EBF3: variants seen among roughly 807,000 people sequenced by gnomAD.
The protein encoded by EBF3 is transcription factor COE3.
In EBF3, 18 loss-of-function variants were observed where a neutral mutation model predicts 77.1. That is an observed-to-expected ratio of 0.23 (90% CI 0.16 to 0.35). The LOEUF (loss-of-function observed/expected upper bound fraction) is 0.35, where lower values mean the gene tolerates loss of function less well. Ranked by LOEUF, EBF3 falls within the 10% of genes least tolerant of loss-of-function variation. The pLI is 1.00. For synonymous variants in EBF3, 350 were observed against 343.5 expected (o/e 1.02, Z -0.21); for missense variants, 558 against 860.0 (o/e 0.65, Z 4.39).
intron 4 of EBF3, 106 bp from the exon 5 acceptor site, chr10:129,959,113 G>A: frequency 7.3e-7 from 1 of 1,377,314 alleles, no homozygotes; most frequent in Non-Finnish European, 1.0e-6. Flanking sequence ...CACCACGCTC[G>A]AGGGGAGGCG....
At position 129,861,391 on chromosome 10, in the gene EBF3, G is replaced by A. The variant is rs1851626481; in HGVS notation, c.1039+5750C>T. Among the ~76,000 whole-genome samples the A allele has an allele frequency of 6.6e-6, 1 of 152,216 alleles. No individual in the cohort carries two copies. Among genetic ancestry groups the A allele is most frequent in the South Asian group, 2.1e-4 (1 of 4,822 alleles). ...AAGGACAAAAACTAAAGTGGCGTCA[G>A]GAGAAGTTGTGTTGTTGGAGTCACG... On this transcript the variant is annotated intron_variant, in intron 10 of 16. Transcript: ENST00000440978. This position sits in a 1 kb window ranked among gnomAD's most constrained non-coding sequence, Gnocchi z 4.3.
intron 6 of EBF3, among the ~76,000 whole-genome samples, chr10:129,956,331 T>C (rs367754552): frequency 6.2e-4 from 94 of 152,366 alleles, no homozygotes; most frequent in Middle Eastern, 3.4e-3. Flanking sequence ...TTCGCAAAAC[T>C]GGTGTCATAT....
rs979756117 is a variant in EBF3 at position 129,835,391 on chromosome 10, C to A, written c.*2552G>T. Reference sequence around the variant, plus strand: ...AGATAAAACAATCTTATTGTAGGGTCTTTAACAGTAAAATCTACCATTTAG... The same window carrying A: ...AGATAAAACAATCTTATTGTAGGGTATTTAACAGTAAAATCTACCATTTAG... On this transcript the variant is annotated 3_prime_UTR_variant, in exon 17 of 17. Transcript: ENST00000440978. The A allele has an allele frequency of 6.6e-6, 1 of 152,286 alleles. No homozygotes were observed. Among genetic ancestry groups the A allele is most frequent in the South Asian group, 2.1e-4 (1 of 4,820 alleles). The allele number at this position is 152,286 out of a possible 1,614,324, so 9.4% of individuals were successfully genotyped here.
At chr10:129,907,433 C>T (rs968042514) in intron 6 of EBF3, among the ~76,000 whole-genome samples, 2 of 152,180 alleles carry the variant, frequency 1.3e-5, no homozygotes, top group African/African-American at 4.8e-5. Flanking sequence ...CAAATGGTCT[C>T]CTCTTAAACA....
At chr10:129,902,407 G>T (rs1250047660) in intron 6 of EBF3, among the ~76,000 whole-genome samples, 1 of 151,942 alleles carries the variant, frequency 6.6e-6, no homozygotes, top group Non-Finnish European at 1.5e-5. Flanking sequence ...TGGGTGCACG[G>T]GCGTCTTTCC....
chr10:129,912,274 A>G (rs1855578595), intron 6 of EBF3, among the ~76,000 whole-genome samples: 3 of 152,170 alleles, frequency 2.0e-5, no homozygotes, highest in African/African-American at 7.2e-5. Flanking sequence ...CCCCACTATC[A>G]ACAGTGTGGA....
intron 6 of EBF3, among the ~76,000 whole-genome samples, chr10:129,923,691 C>CT (rs1856461903): frequency 6.6e-6 from 1 of 152,130 alleles, no homozygotes; most frequent in Non-Finnish European, 1.5e-5. Context: ...CCATAAAACT[C>CT]TTAAAAGAAA....
Position 129,935,559 on chromosome 10 carries a change from G to T in EBF3, c.554+21699C>A, listed in dbSNP as rs1304131550. 6.6e-6 allele frequency among the ~76,000 whole-genome samples: 1 copy of T among 152,190 alleles called. No individual in the cohort carries two copies. Among genetic ancestry groups the T allele is most frequent in the African/African-American group, 2.4e-5 (1 of 41,448 alleles). On this transcript the variant is annotated intron_variant, in intron 6 of 16. Transcript: ENST00000440978. The surrounding 1 kb of genome is among the most constrained non-coding windows in gnomAD (Gnocchi z 4.2). ...CGGAGCACCAAGCACCCATATGTAAGGCATGGGGTTAGATACATGCACCCC... is the reference window on the plus strand; with the variant it reads ...CGGAGCACCAAGCACCCATATGTAATGCATGGGGTTAGATACATGCACCCC...
At position 129,947,939 on chromosome 10, in the gene EBF3, T is replaced by G. The variant is rs1208345321; in HGVS notation, c.554+9319A>C. Among the ~76,000 whole-genome samples, 1 of 152,020 alleles carries G rather than the reference T, an allele frequency of 6.6e-6. No homozygotes were observed. Among genetic ancestry groups the G allele is most frequent in the Non-Finnish European group, 1.5e-5 (1 of 68,002 alleles). On this transcript the variant is annotated intron_variant, in intron 6 of 16. Coordinates refer to ENST00000440978, the MANE Select transcript of EBF3 (RefSeq NM_001375380.1). This position sits in a 1 kb window ranked among gnomAD's most constrained non-coding sequence, Gnocchi z 4.5. ...AGTCACAAGAAGACATGCAGGAAAC[T>G]TAAATGCCTACTGCTCAGTGAAAGA... is the stretch of plus-strand genomic sequence containing the variant.
Position 129,837,686 on chromosome 10 carries a change from GAA to G in EBF3, c.*255_*256del. On this transcript the variant is annotated 3_prime_UTR_variant, in exon 17 of 17. Coordinates refer to ENST00000440978, the MANE Select transcript of EBF3 (RefSeq NM_001375380.1). ...TGTTTTCCTTATTCTTCAGGACTGA[GAA>G]ATGTGAAAATATGAGAAAAGTTCAG... The G allele has an allele frequency of 1.9e-6, 1 of 537,016 alleles. No individual in the cohort carries two copies. Among genetic ancestry groups the G allele is most frequent in the South Asian group, 2.4e-5 (1 of 41,042 alleles). 33.3% of individuals were successfully genotyped at this position (537,016 alleles called of 1,614,324 possible).
At chr10:129,844,641 G>A (rs1366864013) in intron 11 of EBF3, among the ~76,000 whole-genome samples, 20 of 152,018 alleles carry the variant, frequency 1.3e-4, no homozygotes, top group Admixed American at 1.2e-3. Context: ...CTTTTTGTGC[G>A]TGCCATACGT....
intron 4 of EBF3, 151 bp from the exon 5 acceptor site, chr10:129,959,158 G>A (rs960149169): frequency 7.5e-6 from 7 of 937,498 alleles, no homozygotes; most frequent in African/African-American, 1.8e-5. Flanking sequence ...CTCCCGATGG[G>A]GTCACCCTCG....
chr10:129,881,611 T>C (rs1853218734), intron 6 of EBF3, among the ~76,000 whole-genome samples: 2 of 152,180 alleles, frequency 1.3e-5, no homozygotes. Context: ...TCTTTCGCGG[T>C]GCACAGGGAC....
chr10:129,838,035 G>T lies in EBF3; in HGVS notation c.1873-75C>A, dbSNP rs558873862. ...TCCCGCCAACGCTGACGCGGGCGGG[G>T]CTGCCCTTCCCCCCTATTCAACTGG... is the stretch of plus-strand genomic sequence containing the variant. On this transcript the variant is annotated intron_variant, in intron 16 of 16. Coordinates refer to ENST00000440978, the MANE Select transcript of EBF3 (RefSeq NM_001375380.1). 60 of 1,561,026 alleles carry T rather than the reference G, an allele frequency of 3.8e-5. No homozygotes were observed. In the East Asian group the frequency reaches 1.3e-3, roughly 35 times the overall value.
chr10:129,846,372 A>T (rs1440770034), intron 11 of EBF3, among the ~76,000 whole-genome samples: 1 of 151,948 alleles, frequency 6.6e-6, no homozygotes, highest in Non-Finnish European at 1.5e-5. Context: ...ATTGCTGCAA[A>T]AATCAATATT....
rs956970178 is a variant in EBF3, at chr10:129,944,399, C to G, written c.554+12859G>C. ...CTTGATGTTAAATAGGGATCAATAC[C>G]GCTGGGCTGCAGATGAGATCTGATT... On this transcript the variant is annotated intron_variant, in intron 6 of 16. Coordinates refer to ENST00000440978, the MANE Select transcript of EBF3 (RefSeq NM_001375380.1). This position sits in a 1 kb window ranked among gnomAD's most constrained non-coding sequence, Gnocchi z 5.1. Among the ~76,000 whole-genome samples the G allele has an allele frequency of 2.0e-5, 3 of 152,108 alleles. No homozygotes were observed. The highest frequency in any genetic ancestry group is 4.4e-5 in the Non-Finnish European group (3 of 68,026).
At chr10:129,866,988 A>G (rs1280925486) in intron 10 of EBF3, among the ~76,000 whole-genome samples, 153 bp downstream of exon 10, 14 of 152,228 alleles carry the variant, frequency 9.2e-5, no homozygotes, top group Admixed American at 9.2e-4. Flanking sequence ...TGGAAACTGC[A>G]TATCCAGCTA....
At chr10:129,954,182 C>G (rs1056705974) in intron 6 of EBF3, among the ~76,000 whole-genome samples, 1 of 152,116 alleles carries the variant, frequency 6.6e-6, no homozygotes, top group Non-Finnish European at 1.5e-5. Flanking sequence ...ACCATAGATA[C>G]TTTTTTCCTG....
rs963126804 is a variant in EBF3, at chr10:129,938,610, A to G, written c.554+18648T>C. On this transcript the variant is annotated intron_variant, in intron 6 of 16. Coordinates refer to ENST00000440978, the MANE Select transcript of EBF3 (RefSeq NM_001375380.1). This position sits in a 1 kb window ranked among gnomAD's most constrained non-coding sequence, Gnocchi z 5.1. ...GTTCATGAGGGAAAAGAAGAAAACA[A>G]TTTAGCATTTTTGATGGGCAGCCCA... Among the ~76,000 whole-genome samples, 2 of 152,150 alleles carry G rather than the reference A, an allele frequency of 1.3e-5. No individual in the cohort carries two copies. The highest frequency in any genetic ancestry group is 4.8e-5 in the African/African-American group (2 of 41,442).
Sources: allele counts gnomAD v4.1 joint callset (sites outside exome capture counted in the v4.1 genomes callset), GRCh38; gene constraint gnomAD v4.1.1; non-coding constraint Gnocchi (gnomAD v3.1); transcripts MANE v1.5; gene names NCBI Gene and HGNC (gene_info 2026-07-23, HGNC 2026-07-21).